The following TEX264 variants were observed in gnomAD, a reference collection of about 807,000 sequenced individuals.
The protein encoded by TEX264 is testis expressed 264, ER-phagy receptor.
Under a neutral mutation model 23.4 loss-of-function variants are expected in TEX264, and 13 were observed. The observed-to-expected ratio is 0.56, with a 90% CI of 0.36 to 0.88. The LOEUF is 0.88. Ranked by LOEUF, TEX264 falls within the 40% of genes least tolerant of loss-of-function variation. TEX264 has a pLI of 0.01. For synonymous variants in TEX264, 159 were observed against 170.0 expected (o/e 0.94, Z 0.50); for missense variants, 340 against 406.8 (o/e 0.84, Z 1.41).
At position 51,703,518 on chromosome 3, in the gene TEX264, T is replaced by TTCCC. The variant is rs1449167419; in HGVS notation, c.650-196_650-193dup. Among the ~76,000 whole-genome samples the TTCCC allele has an allele frequency of 1.4e-5, 2 of 138,738 alleles. No individual in the cohort carries two copies. The highest frequency in any genetic ancestry group is 7.0e-5 in the Admixed American group (1 of 14,358). The allele number at this position is 138,738 out of a possible 152,430, so 91.0% of individuals were successfully genotyped here. ...CCACCCTCTCTCCCTCCCTCCCTCC[T>TTCCC]TCCCTCCCTCCCTTCCTCCCAGCTC... On this transcript the variant is annotated intron_variant, in intron 4 of 4. Coordinates refer to ENST00000341333, the MANE Select transcript of TEX264 (RefSeq NM_015926.6). This position sits in a 1 kb window ranked among gnomAD's most constrained non-coding sequence, Gnocchi z 4.8.
intron 3 of TEX264, 98 bp from the exon 4 acceptor site, chr3:51,699,308 G>A (rs913500053): frequency 3.8e-5 from 50 of 1,322,580 alleles, no homozygotes; most frequent in Admixed American, 1.5e-4. Context: ...CCAGCCCCTG[G>A]GACAGAATAG....
At chr3:51,679,990 G>A (rs980185159) in intron 2 of TEX264, among the ~76,000 whole-genome samples, 7 of 152,118 alleles carry the variant, frequency 4.6e-5, no homozygotes, top group South Asian at 4.1e-4. Flanking sequence ...ACGAGGTCCC[G>A]TATCAACCAC....
chr3:51,699,493 T>G lies in TEX264; in HGVS notation c.568T>G (p.Phe190Val), dbSNP rs755019035. The change falls in exon 4 of 5, where the codon TTC (phenylalanine) becomes GTC (valine). Residue 190 changes from phenylalanine (F) to valine (V), a missense_variant. By Grantham distance (50) the Phe-to-Val change is conservative. Coordinates refer to ENST00000341333, the MANE Select transcript of TEX264 (RefSeq NM_015926.6). ...GTGCCCACTGGCACGGCAGGGAGACTTCTATGTGCCTGAGATGAAGGAGAC... is the reference window on the plus strand; with the variant it reads ...GTGCCCACTGGCACGGCAGGGAGACGTCTATGTGCCTGAGATGAAGGAGAC... ...FMCPLARQGDFYVPEMKETEW... is the reference protein window; with the variant it reads ...FMCPLARQGDVYVPEMKETEW... 6.2e-7 allele frequency: 1 copy of G among 1,614,064 alleles called. No homozygotes were observed. Among genetic ancestry groups the G allele is most frequent in the East Asian group, 2.2e-5 (1 of 44,876 alleles).
In TEX264 at chr3:51,691,113, T is replaced by G. The variant is rs1428994295; in HGVS notation, c.480+6479T>G. Among the ~76,000 whole-genome samples the G allele has an allele frequency of 6.6e-6, 1 of 152,224 alleles. No individual in the cohort carries two copies. The highest frequency in any genetic ancestry group is 1.9e-4 in the East Asian group (1 of 5,202). On this transcript the variant is annotated intron_variant, in intron 3 of 4. Transcript: ENST00000341333. The surrounding 1 kb of genome is among the most constrained non-coding windows in gnomAD (Gnocchi z 4.4). The stretch of plus-strand genomic sequence containing the variant: ...GGCTGAGGCTTCAGGTCTAGGAGAC[T>G]GCTGGGGGAGCCGAGGCAAAGCACA...
At chr3:51,693,382 C>T (rs538354540) in intron 3 of TEX264, among the ~76,000 whole-genome samples, 1 of 152,274 alleles carries the variant, frequency 6.6e-6, no homozygotes, top group Admixed American at 6.5e-5. Flanking sequence ...CTCCCTGGCT[C>T]CTCTGCCATT....
chr3:51,693,479 T>G (rs1030367353), intron 3 of TEX264, among the ~76,000 whole-genome samples: 5 of 147,600 alleles, frequency 3.4e-5, no homozygotes, highest in African/African-American at 1.2e-4. Flanking sequence ...CCATTATGTT[T>G]TTTTTTTTTT....
At chr3:51,697,380 G>T (rs1041098121) in intron 3 of TEX264, among the ~76,000 whole-genome samples, 3 of 152,182 alleles carry the variant, frequency 2.0e-5, no homozygotes. Context: ...GTTGAGAGGG[G>T]TTGGGCTAGG....
At chr3:51,687,903 A>G (rs1157482333) in intron 3 of TEX264, among the ~76,000 whole-genome samples, 2 of 152,240 alleles carry the variant, frequency 1.3e-5, no homozygotes, top group African/African-American at 4.8e-5. Context: ...GGATTCTGGA[A>G]GGGATGGCTG....
intron 2 of TEX264, among the ~76,000 whole-genome samples, chr3:51,679,143 C>T (rs567896877): frequency 6.6e-6 from 1 of 152,312 alleles, no homozygotes; most frequent in African/African-American, 2.4e-5. Flanking sequence ...CAAGGCTCCA[C>T]TGCTAACCAA....
At position 51,685,644 on chromosome 3, in the gene TEX264, G is replaced by A. The variant is rs1043555090; in HGVS notation, c.480+1010G>A. Among the ~76,000 whole-genome samples, 5 of 152,362 alleles carry A rather than the reference G, an allele frequency of 3.3e-5. 1 individual carries two copies. The highest frequency in any genetic ancestry group is 3.3e-4 in the Admixed American group (5 of 15,304). ...CTAAATGCAGCAGGAAGTCACTGCA[G>A]TGTTCCAACCAGGAAAATAACACAG... is the stretch of plus-strand genomic sequence containing the variant. On this transcript the variant is annotated intron_variant, in intron 3 of 4. Coordinates refer to ENST00000341333, the MANE Select transcript of TEX264 (RefSeq NM_015926.6).
Position 51,703,066 on chromosome 3 carries a change from C to A in TEX264, c.650-658C>A, listed in dbSNP as rs1419545984. 1.3e-5 allele frequency among the ~76,000 whole-genome samples: 2 copies of A among 152,154 alleles called. No homozygotes were observed. Among genetic ancestry groups the A allele is most frequent in the African/African-American group, 4.8e-5 (2 of 41,434 alleles). Reference sequence around the variant, plus strand: ...AGAAAACCCTTAACATGTTTCATCCCAGCACCCTCCTCCTTGCAGCTGGTT... The same window carrying A: ...AGAAAACCCTTAACATGTTTCATCCAAGCACCCTCCTCCTTGCAGCTGGTT... On this transcript the variant is annotated intron_variant, in intron 4 of 4. Coordinates refer to ENST00000341333, the MANE Select transcript of TEX264 (RefSeq NM_015926.6). The surrounding 1 kb of genome is among the most constrained non-coding windows in gnomAD (Gnocchi z 4.8).
At position 51,691,888 on chromosome 3, in the gene TEX264, C is replaced by G. The variant is rs1248909136; in HGVS notation, c.480+7254C>G. Reference sequence around the variant, plus strand: ...AGATGTCCCCAAGCCAAGAGGCGATCCTCCCACCATACCACGGCTTGGCTT... The same window carrying G: ...AGATGTCCCCAAGCCAAGAGGCGATGCTCCCACCATACCACGGCTTGGCTT... On this transcript the variant is annotated intron_variant, in intron 3 of 4. Transcript: ENST00000341333. The surrounding 1 kb of genome is among the most constrained non-coding windows in gnomAD (Gnocchi z 4.4). 6.6e-6 allele frequency among the ~76,000 whole-genome samples: 1 copy of G among 152,242 alleles called. No individual in the cohort carries two copies. Among genetic ancestry groups the G allele is most frequent in the Non-Finnish European group, 1.5e-5 (1 of 68,042 alleles).
At position 51,674,556 on chromosome 3, in the gene TEX264, C is replaced by T. The variant is rs1164326353; in HGVS notation, c.252C>T (p.Pro84=). ...LRSIAVYYDN[P]HMVPPDKCRC... is the part of the protein sequence containing the mutation. Reference sequence around the variant, plus strand: ...CCATCGCTGTCTACTATGACAACCCCCACATGGTAAGGAGTCTCCATGGGG... The same window carrying T: ...CCATCGCTGTCTACTATGACAACCCTCACATGGTAAGGAGTCTCCATGGGG... Residue 84 remains proline, a synonymous_variant, in exon 2 of 5, where the codon CCC becomes CCT. Coordinates refer to ENST00000341333, the MANE Select transcript of TEX264 (RefSeq NM_015926.6). 3 of 1,613,950 alleles carry T rather than the reference C, an allele frequency of 1.9e-6. No homozygotes were observed. In the African/African-American group the frequency reaches 4.0e-5, roughly 22 times the overall value.
chr3:51,699,409 C>T lies in TEX264; in HGVS notation c.484C>T (p.Arg162Trp), dbSNP rs773556748. 1.2e-5 allele frequency: 20 copies of T among 1,613,710 alleles called. No individual in the cohort carries two copies. The highest frequency in any genetic ancestry group is 4.5e-5 in the East Asian group (2 of 44,876). ...HPALDTYIKE[R>W]KLCAYPRLEI... ...CCTTTTGCCACTCTCTGACTAGGAG[C>T]GGAAGCTGTGTGCCTATCCTCGGCT... Residue 162 changes from arginine to tryptophan, a missense_variant, in exon 4 of 5, where the codon CGG (arginine) becomes TGG (tryptophan). Coordinates refer to ENST00000341333, the MANE Select transcript of TEX264 (RefSeq NM_015926.6).
chr3:51,679,193 G>A (rs1702336986), intron 2 of TEX264, among the ~76,000 whole-genome samples: 1 of 152,212 alleles, frequency 6.6e-6, no homozygotes, highest in African/African-American at 2.4e-5. Context: ...GTCTGAGTAT[G>A]TCTCCTCATC....
intron 1 of TEX264, chr3:51,672,060 A>G (rs1702064567): frequency 2.0e-5 from 3 of 152,310 alleles, no homozygotes; most frequent in Admixed American, 2.0e-4. Context: ...GCTCTAGCGA[A>G]GAGACCTGAC....
At position 51,699,472 on chromosome 3, in the gene TEX264, C is replaced by T; in HGVS notation, c.547C>T (p.Pro183Ser). The T allele has an allele frequency of 1.2e-6, 2 of 1,614,086 alleles. No homozygotes were observed. Among genetic ancestry groups the T allele is most frequent in the Non-Finnish European group, 1.7e-6 (2 of 1,179,938 alleles). The change falls in exon 4 of 5, where the codon CCA becomes TCA. Residue 183 changes from proline (P) to serine (S), a missense_variant. By Grantham distance (74) the Pro-to-Ser change is moderately conservative (BLOSUM62 -1). Transcript: ENST00000341333. ...GGAAGACCAGATCCATTTCATGTGC[C>T]CACTGGCACGGCAGGGAGACTTCTA... ...YQEDQIHFMC[P>S]LARQGDFYVP...
chr3:51,673,087 C>A (rs1360302396), intron 1 of TEX264, among the ~76,000 whole-genome samples: 1 of 152,022 alleles, frequency 6.6e-6, no homozygotes, highest in South Asian at 2.1e-4. Flanking sequence ...TTTTTTTTAG[C>A]GTAAAATCAA....
chr3:51,698,062 T>C (rs768872107), intron 3 of TEX264, among the ~76,000 whole-genome samples: 14 of 152,328 alleles, frequency 9.2e-5, no homozygotes, highest in South Asian at 2.1e-4. Flanking sequence ...CAGCCAGACC[T>C]GGGACAGGCC....
Sources: gnomAD v4.1 joint callset for allele counts (sites outside exome capture counted in the v4.1 genomes callset) on GRCh38, gnomAD v4.1.1 for gene constraint, Gnocchi (gnomAD v3.1) non-coding constraint, MANE v1.5 for transcripts, NCBI Gene and HGNC (gene_info 2026-07-23, HGNC 2026-07-21) for gene names.